The following ITCH variants were observed in gnomAD, a reference collection of about 807,000 sequenced individuals.
ITCH encodes E3 ubiquitin-protein ligase Itchy homolog.
ITCH carries 28 observed loss-of-function variants against 126.8 expected under a neutral mutation model. That is an observed-to-expected ratio of 0.22 (90% CI 0.16 to 0.30). The LOEUF (loss-of-function observed/expected upper bound fraction) is 0.30. Among genes scored for constraint, ITCH ranks in the 10% least tolerant of loss-of-function variants. ITCH has a pLI of 1.00. For missense variants in ITCH, 631 were observed against 1,032.4 expected (o/e 0.61, Z 5.33); for synonymous variants, 342 against 340.0 (o/e 1.01, Z -0.06).
At chr20:34,452,740 A>G (rs1985414861) in intron 12 of ITCH, among the ~76,000 whole-genome samples, 1 of 152,146 alleles carries the variant, frequency 6.6e-6, no homozygotes, top group African/African-American at 2.4e-5. Context: ...GTTCTCCAGC[A>G]TAGTAATTGC....
At chr20:34,477,395 T>C (rs1380321646) in intron 16 of ITCH, among the ~76,000 whole-genome samples, 2 of 152,152 alleles carry the variant, frequency 1.3e-5, no homozygotes, top group African/African-American at 4.8e-5. Flanking sequence ...CCGGGCGTGG[T>C]GGCGCACACC....
At position 34,480,672 on chromosome 20, in the gene ITCH, T is replaced by C. The variant is rs1346977440; in HGVS notation, c.1892T>C (p.Val631Ala). 6.2e-7 allele frequency: 1 copy of C among 1,612,392 alleles called. No homozygotes were observed. The highest frequency in any genetic ancestry group is 1.7e-5 in the Admixed American group (1 of 60,016). The part of the protein sequence containing the change: ...PFYKRILNKP[V>A]GLKDLESIDP... ...TATAAGCGTATCTTGAACAAACCAGTTGGACTCAAGGATTTAGAATCTATT... is the reference window on the plus strand; with the variant it reads ...TATAAGCGTATCTTGAACAAACCAGCTGGACTCAAGGATTTAGAATCTATT... The change falls in exon 19 of 25, where the codon GTT (valine) becomes GCT (alanine). Residue 631 changes from valine to alanine, a missense_variant. Physicochemically the swap from Val to Ala is moderately conservative, Grantham distance 64. This residue lies in a region of ITCH where 390 missense variants were observed against 731.6 expected (regional missense o/e 0.53). Transcript: ENST00000374864.
chr20:34,475,392 T>A (rs550235771), intron 16 of ITCH, among the ~76,000 whole-genome samples: 3 of 152,200 alleles, frequency 2.0e-5, no homozygotes, highest in African/African-American at 7.2e-5. Context: ...CGAGACTCCG[T>A]CTGCAATCCC....
At chr20:34,468,883 G>A (rs185769160) in intron 14 of ITCH, among the ~76,000 whole-genome samples, 7 of 152,088 alleles carry the variant, frequency 4.6e-5, no homozygotes, top group Admixed American at 6.5e-5. Context: ...CACAAATAAC[G>A]TTTGTATACA....
intron 6 of ITCH, 135 bp downstream of exon 6, chr20:34,414,014 AC>A (rs1252484475): frequency 1.1e-5 from 8 of 732,738 alleles, no homozygotes; most frequent in Non-Finnish European, 1.8e-5. Context: ...GTGGTGGCTC[AC>A]GCCTCTAATC....
chr20:34,493,775 TAAC>T (rs1989674943), intron 23 of ITCH, among the ~76,000 whole-genome samples: 2 of 152,252 alleles, frequency 1.3e-5, no homozygotes, highest in South Asian at 4.2e-4. Context: ...GCTGTAGAGG[TAAC>T]AATATATGAG....
chr20:34,399,224 C>G (rs2038783970), intron 3 of ITCH, among the ~76,000 whole-genome samples: 1 of 151,792 alleles, frequency 6.6e-6, no homozygotes, highest in South Asian at 2.1e-4. Context: ...GAAACTCTGT[C>G]TCTAGTAAAA....
intron 1 of ITCH, among the ~76,000 whole-genome samples, chr20:34,367,832 A>G (rs890922290): frequency 6.6e-5 from 10 of 152,218 alleles, no homozygotes; most frequent in Non-Finnish European, 1.0e-4. Flanking sequence ...ACAAAGATCA[A>G]TGTGCACTAC....
chr20:34,376,834 G>A (rs574021126), intron 2 of ITCH, among the ~76,000 whole-genome samples: 1 of 152,232 alleles, frequency 6.6e-6, no homozygotes, highest in African/African-American at 2.4e-5. Context: ...GTGTCAGTGG[G>A]AATGAAAATA....
At chr20:34,473,384 G>A (rs1259970132) in intron 16 of ITCH, among the ~76,000 whole-genome samples, 1 of 152,244 alleles carries the variant, frequency 6.6e-6, no homozygotes, top group Non-Finnish European at 1.5e-5. Flanking sequence ...GTGGTAATCT[G>A]TGGTGCTCGC....
chr20:34,440,223 A>T lies in ITCH; in HGVS notation c.748A>T (p.Thr250Ser). Residue 250 changes from threonine to serine, a missense_variant, in exon 9 of 25, where the codon ACA becomes TCA. By Grantham distance (58) the Thr-to-Ser change is moderately conservative. Around this residue, in one of 4 missense-constraint regions of ITCH, gnomAD observed 220 missense variants for 265.7 expected, o/e 0.83. Coordinates refer to ENST00000374864, the MANE Select transcript of ITCH (RefSeq NM_031483.7). ...DGSSTGSLPP[T>S]NTNTNTSEGA... ...GTCTAGTACAGGCTCTCTGCCGCCGACAAATACAAATACAAATACATCTGA... is the reference window on the plus strand; with the variant it reads ...GTCTAGTACAGGCTCTCTGCCGCCGTCAAATACAAATACAAATACATCTGA... 6.2e-7 allele frequency: 1 copy of T among 1,609,968 alleles called. No individual in the cohort carries two copies. Among genetic ancestry groups the T allele is most frequent in the Non-Finnish European group, 8.5e-7 (1 of 1,176,272 alleles).
intron 7 of ITCH, among the ~76,000 whole-genome samples, chr20:34,428,024 A>G (rs756669705): frequency 1.7e-4 from 26 of 152,212 alleles, no homozygotes; most frequent in Non-Finnish European, 3.5e-4. Flanking sequence ...ATTGTCATAA[A>G]TAATTTGGGG....
intron 6 of ITCH, among the ~76,000 whole-genome samples, chr20:34,416,125 G>C (rs377215491): frequency 6.6e-6 from 1 of 151,888 alleles, no homozygotes; most frequent in East Asian, 1.9e-4. Flanking sequence ...CTGGCCAGGC[G>C]TGGTGGCTCA....
chr20:34,505,471 C>G (rs1488634299), intron 24 of ITCH, among the ~76,000 whole-genome samples: 1 of 152,172 alleles, frequency 6.6e-6, no homozygotes, highest in African/African-American at 2.4e-5. Context: ...CCGTGTAGCC[C>G]TTGGTAACCA....
chr20:34,440,084 A>G (rs1434086090), intron 8 of ITCH, 71 bp from the exon 9 acceptor site: 1 of 1,076,814 alleles, frequency 9.3e-7, no homozygotes, highest in Non-Finnish European at 1.4e-6. Context: ...TTTATTTTTT[A>G]CAGTTAAAAT....
At chr20:34,374,314 A>G (rs1220810997) in intron 2 of ITCH, among the ~76,000 whole-genome samples, 4 of 152,134 alleles carry the variant, frequency 2.6e-5, no homozygotes, top group Non-Finnish European at 5.9e-5. Context: ...AGTTAACAGT[A>G]TTTACTGGAG....
At chr20:34,459,079 A>C (rs1470492426) in intron 13 of ITCH, among the ~76,000 whole-genome samples, 1 of 152,204 alleles carries the variant, frequency 6.6e-6, no homozygotes, top group Non-Finnish European at 1.5e-5. Context: ...TTGGGGGTCC[A>C]CAGGATGACT....
chr20:34,456,146 T>C (rs1600385754), intron 12 of ITCH, among the ~76,000 whole-genome samples: 1 of 144,502 alleles, frequency 6.9e-6, no homozygotes, highest in Non-Finnish European at 1.5e-5. Flanking sequence ...ATTTTATATA[T>C]ATTTTTATAT....
intron 3 of ITCH, among the ~76,000 whole-genome samples, chr20:34,401,094 G>A (rs961866282): frequency 6.6e-6 from 1 of 151,948 alleles, no homozygotes; most frequent in Non-Finnish European, 1.5e-5. Flanking sequence ...CATTCTCATT[G>A]TGTTGCCCAG....
Sources: gnomAD v4.1 joint callset for allele counts (sites outside exome capture counted in the v4.1 genomes callset) on GRCh38, gnomAD v4.1.1 for gene constraint, gnomAD v4.1.1 regional missense constraint, MANE v1.5 for transcripts, NCBI Gene and HGNC (gene_info 2026-07-23, HGNC 2026-07-21) for gene names.